The following TRIP12 variants were observed in gnomAD, a reference collection of about 807,000 sequenced individuals.
The protein encoded by TRIP12 is thyroid hormone receptor interactor 12.
In TRIP12, 25 loss-of-function variants were observed where a neutral mutation model predicts 244.2. The ratio of observed to expected loss-of-function variants is 0.10; its 90% CI spans 0.07 to 0.14. TRIP12 has a LOEUF of 0.14. Among genes scored for constraint, TRIP12 ranks in the 10% least tolerant of loss-of-function variants. The pLI, the probability that TRIP12 is intolerant of heterozygous loss-of-function variation, is 1.00. For synonymous variants in TRIP12, 905 were observed against 873.1 expected (o/e 1.04, Z -0.64); for missense variants, 1,677 against 2,486.4 (o/e 0.67, Z 6.92).
rs368864055 is a variant in TRIP12, at chr2:229,814,262, G to A, written c.1795C>T (p.Arg599Trp). The A allele has an allele frequency of 4.3e-6, 7 of 1,613,978 alleles. No homozygotes were observed. In the African/African-American group the frequency reaches 5.3e-5, roughly 12 times the overall value. Residue 599 changes from arginine (R) to tryptophan (W), a missense_variant, in exon 12 of 42, where the codon CGG becomes TGG. Transcript: ENST00000675903. Reference sequence around the variant, plus strand: ...TGTAGAATGGCTTTACTATGTCTCCGTGACAACATCTCCAAGGCAGTCAAG... The same window carrying A: ...TGTAGAATGGCTTTACTATGTCTCCATGACAACATCTCCAAGGCAGTCAAG... ...QALTALEMLS[R>W]RHSKAILQAG...
rs1347247264 is a variant in TRIP12, at chr2:229,774,403, T to C, written c.5530-142A>G. ...ACTCTTAGCCTCTTTATTTTTTTCC[T>C]GGTCATAATCTACATATGAAAGAGT... On this transcript the variant is annotated intron_variant, in intron 37 of 41. Coordinates refer to ENST00000675903, the MANE Select transcript of TRIP12 (RefSeq NM_001348323.3). 1.5e-5 allele frequency: 12 copies of C among 826,810 alleles called. No individual in the cohort carries two copies. The East Asian group carries it at 3.0e-4, about 21-fold the overall frequency. 51.2% of individuals were successfully genotyped at this position (826,810 alleles called of 1,614,324 possible).
intron 34 of TRIP12, among the ~76,000 whole-genome samples, chr2:229,784,851 A>C (rs2039488854): frequency 6.6e-6 from 1 of 152,218 alleles, no homozygotes. Context: ...GCCACTTTGG[A>C]AAAGTTTTGT....
intron 4 of TRIP12, among the ~76,000 whole-genome samples, chr2:229,842,691 C>T (rs1272223258): frequency 1.4e-5 from 2 of 139,748 alleles, no homozygotes; most frequent in African/African-American, 2.5e-5. Context: ...TTTATACATA[C>T]CATGATACAG....
At chr2:229,783,856 A>G (rs914965930) in intron 34 of TRIP12, among the ~76,000 whole-genome samples, 1 of 151,774 alleles carries the variant, frequency 6.6e-6, no homozygotes, top group Non-Finnish European at 1.5e-5. Flanking sequence ...CATGCCTGTA[A>G]TCCCAGCACT....
intron 8 of TRIP12, among the ~76,000 whole-genome samples, chr2:229,825,581 G>A (rs559893277): frequency 4.0e-4 from 61 of 152,280 alleles, no homozygotes; most frequent in Non-Finnish European, 7.5e-4. Flanking sequence ...AAAAGAATGA[G>A]TGCCAACAGG....
chr2:229,767,520 C>T lies in TRIP12; in HGVS notation c.*34G>A. ...AAGAAATCATGATTTGTTTCTTTTG[C>T]TGTAACAGGCAGACACTGCATTTCT... On this transcript the variant is annotated 3_prime_UTR_variant, in exon 42 of 42. Transcript: ENST00000675903. 1.3e-6 allele frequency: 2 copies of T among 1,545,068 alleles called. No homozygotes were observed. Among genetic ancestry groups the T allele is most frequent in the Non-Finnish European group, 1.7e-6 (2 of 1,145,556 alleles).
In TRIP12 at chr2:229,807,749, G is replaced by A; in HGVS notation, c.2455C>T (p.Leu819Phe). The change falls in exon 17 of 42, where the codon CTC becomes TTC. Residue 819 changes from leucine (L) to phenylalanine (F), a missense_variant. Physicochemically the swap from Leu to Phe is conservative, Grantham distance 22. Around this residue, in one of 11 missense-constraint regions of TRIP12, gnomAD observed 572 missense variants for 867.8 expected, o/e 0.66. Transcript: ENST00000675903. ...AIWQWRDDRG[L>F]WHPYNRIDSR... is the part of the protein sequence containing the mutation. ...TCAATCCTGTTATATGGATGCCAGA[G>A]GCCCCGATCATCACGCCACTGCCAT... 6.2e-7 allele frequency: 1 copy of A among 1,614,148 alleles called. No homozygotes were observed. Among genetic ancestry groups the A allele is most frequent in the Admixed American group, 1.7e-5 (1 of 60,010 alleles).
rs772486531 is a variant in TRIP12, at chr2:229,811,015, G to A, written c.2086C>T (p.Leu696=). The stretch of plus-strand genomic sequence containing the variant: ...AACAGCTGTTGAACATTTGTAAGCA[G>A]ATCTTTGGAAGCAACCTGCTGGAGT... ...NLLQQVASKD[L]LTNVQQLLVV... Residue 696 remains leucine, a synonymous_variant, in exon 15 of 42, where the codon CTG becomes TTG. Transcript: ENST00000675903. 1.9e-6 allele frequency: 3 copies of A among 1,614,026 alleles called. No individual in the cohort carries two copies. Among genetic ancestry groups the A allele is most frequent in the Non-Finnish European group, 2.5e-6 (3 of 1,179,978 alleles).
intron 33 of TRIP12, among the ~76,000 whole-genome samples, chr2:229,787,269 GA>G (rs1487266019): frequency 6.6e-6 from 1 of 152,088 alleles, no homozygotes; most frequent in Non-Finnish European, 1.5e-5. Context: ...AACTAAAAGA[GA>G]AAAGAGAATT....
chr2:229,802,914 G>A (rs1215303440), intron 20 of TRIP12, among the ~76,000 whole-genome samples: 2 of 152,100 alleles, frequency 1.3e-5, no homozygotes, highest in African/African-American at 4.8e-5. Context: ...GCTATTGAAG[G>A]GTGGGAACTA....
chr2:229,849,174 T>C (rs2154323093), intron 4 of TRIP12, among the ~76,000 whole-genome samples: 1 of 152,296 alleles, frequency 6.6e-6, no homozygotes, highest in East Asian at 1.9e-4. Flanking sequence ...AATGTGGAGT[T>C]TGAGTAAGTT....
At chr2:229,856,274 T>C (rs2059600291) in intron 4 of TRIP12, among the ~76,000 whole-genome samples, 1 of 152,142 alleles carries the variant, frequency 6.6e-6, no homozygotes, top group Admixed American at 6.5e-5. Flanking sequence ...AATGAAATAA[T>C]GGTGAAATGA....
intron 41 of TRIP12, among the ~76,000 whole-genome samples, 157 bp from the exon 42 acceptor site, chr2:229,767,907 CTTTAA>C (rs754051032): frequency 1.8e-4 from 28 of 152,198 alleles, no homozygotes; most frequent in African/African-American, 5.1e-4. Flanking sequence ...AAGGAACCTG[CTTTAA>C]TTTATCATTT....
At chr2:229,799,453 CA>C in intron 21 of TRIP12, 70 bp from the exon 22 acceptor site, 1 of 1,423,900 alleles carries the variant, frequency 7.0e-7, no homozygotes, top group Non-Finnish European at 9.9e-7. Context: ...ACTGAAAAAG[CA>C]AACTAAAATG....
chr2:229,799,122 TCA>T, intron 22 of TRIP12, 73 bp from the exon 23 acceptor site: 2 of 1,576,626 alleles, frequency 1.3e-6, no homozygotes, highest in Non-Finnish European at 1.7e-6. Context: ...TTTTTAAGAT[TCA>T]CAGTCTTAAC....
chr2:229,785,731 T>C, intron 34 of TRIP12, 26 bp downstream of exon 34: 2 of 1,598,502 alleles, frequency 1.3e-6, no homozygotes, highest in Non-Finnish European at 1.7e-6. Flanking sequence ...TCAAGCTAAA[T>C]AACCATCACC....
chr2:229,838,907 G>C (rs1401063575), intron 5 of TRIP12, among the ~76,000 whole-genome samples: 47 of 152,144 alleles, frequency 3.1e-4, no homozygotes, highest in Non-Finnish European at 1.0e-4. Flanking sequence ...GTTTACTTAT[G>C]TCGCTATTGT....
chr2:229,860,653 T>A, intron 2 of TRIP12, 122 bp from the exon 3 acceptor site: 1 of 950,056 alleles, frequency 1.1e-6, no homozygotes, highest in Non-Finnish European at 1.4e-6. Context: ...ACCCTACCCT[T>A]TTTCCAAATA....
chr2:229,908,559 C>T (rs2073491775), intron 1 of TRIP12, among the ~76,000 whole-genome samples: 1 of 150,876 alleles, frequency 6.6e-6, no homozygotes, highest in Non-Finnish European at 1.5e-5. Context: ...GGTGAAACCC[C>T]GTCTCTATTA....
Sources: allele counts gnomAD v4.1 joint callset (sites outside exome capture counted in the v4.1 genomes callset), GRCh38; gene constraint gnomAD v4.1.1; regional missense constraint gnomAD v4.1.1; transcripts MANE v1.5; gene names NCBI Gene and HGNC (gene_info 2026-07-23, HGNC 2026-07-21).